The following DOCK1 variants were observed in gnomAD, a reference collection of about 807,000 sequenced individuals.
The protein encoded by DOCK1 is dedicator of cytokinesis protein 1.
Under a neutral mutation model 262.7 loss-of-function variants are expected in DOCK1, and 138 were observed. The ratio of observed to expected loss-of-function variants is 0.53; its 90% CI spans 0.46 to 0.61. The LOEUF is 0.61. Among genes scored for constraint, DOCK1 ranks in the 20% least tolerant of loss-of-function variants. DOCK1 has a pLI of 0.00. For missense variants in DOCK1, 1,908 were observed against 2,370.7 expected (o/e 0.80, Z 4.05); for synonymous variants, 866 against 867.4 (o/e 1.00, Z 0.03).
chr10:127,188,915 T>C (rs943317278), intron 27 of DOCK1, among the ~76,000 whole-genome samples: 26 of 152,206 alleles, frequency 1.7e-4, no homozygotes, highest in Admixed American at 6.5e-5. Context: ...ACACAGATAC[T>C]GGCAGAGCCA....
At chr10:127,050,695 A>G (rs925795478) in intron 21 of DOCK1, among the ~76,000 whole-genome samples, 53 of 148,212 alleles carry the variant, frequency 3.6e-4, no homozygotes, top group Non-Finnish European at 6.5e-4. Context: ...ACAGAGCAAG[A>G]CTCTGTCTGA....
At chr10:127,029,840 G>T (rs983970249) in intron 16 of DOCK1, among the ~76,000 whole-genome samples, 1 of 152,162 alleles carries the variant, frequency 6.6e-6, no homozygotes, top group African/African-American at 2.4e-5. Flanking sequence ...CTGAACCCTG[G>T]CTGTTTTCCT....
At chr10:127,407,377 G>A (rs1462045986) in intron 40 of DOCK1, among the ~76,000 whole-genome samples, 1 of 152,106 alleles carries the variant, frequency 6.6e-6, no homozygotes, top group Non-Finnish European at 1.5e-5. Context: ...GAAAGGGCAG[G>A]CAGCTCTCTG....
chr10:127,168,630 C>A (rs1263280706), intron 27 of DOCK1, among the ~76,000 whole-genome samples: 1 of 152,212 alleles, frequency 6.6e-6, no homozygotes, highest in Non-Finnish European at 1.5e-5. Flanking sequence ...AGACTTTGAT[C>A]TCTATTAAGT....
intron 1 of DOCK1, among the ~76,000 whole-genome samples, chr10:126,952,854 T>C (rs1565003034): frequency 6.6e-6 from 1 of 151,882 alleles, no homozygotes; most frequent in Non-Finnish European, 1.5e-5. Context: ...GGTAGTATTG[T>C]TGGTGATGTG....
intron 29 of DOCK1, among the ~76,000 whole-genome samples, chr10:127,330,766 T>C (rs1564997641): frequency 1.3e-5 from 2 of 152,162 alleles, no homozygotes; most frequent in Non-Finnish European, 2.9e-5. Flanking sequence ...GTGGGTTGGC[T>C]AAGTATACAT....
intron 27 of DOCK1, among the ~76,000 whole-genome samples, chr10:127,146,348 T>G (rs998508484): frequency 6.6e-6 from 1 of 152,184 alleles, no homozygotes; most frequent in South Asian, 2.1e-4. Flanking sequence ...AGCATCTAAA[T>G]AAGAGAATTA....
intron 38 of DOCK1, among the ~76,000 whole-genome samples, chr10:127,396,407 T>A (rs1167395671): frequency 6.6e-6 from 1 of 152,230 alleles, no homozygotes; most frequent in Non-Finnish European, 1.5e-5. Context: ...CCCTCCCACC[T>A]GCAACCATGC....
rs971251992 is a variant in DOCK1, at chr10:127,336,749, C to T, written c.3045-2257C>T. Among the ~76,000 whole-genome samples the T allele has an allele frequency of 5.3e-5, 8 of 152,110 alleles. No homozygotes were observed. In the South Asian group the frequency reaches 1.5e-3, roughly 28 times the overall value. ...AGAAACGGGGTTTCACTGTGTTAGC[C>T]AGGATGGTCTCAATCTCCTGACCTC... On this transcript the variant is annotated intron_variant, in intron 29 of 51. Coordinates refer to ENST00000623213, the MANE Select transcript of DOCK1 (RefSeq NM_001290223.2).
intron 40 of DOCK1, among the ~76,000 whole-genome samples, chr10:127,407,310 G>A (rs1025740197): frequency 1.1e-4 from 16 of 152,106 alleles, no homozygotes; most frequent in Admixed American, 9.2e-4. Context: ...AGCAGATTTG[G>A]AGTCTGGGGA....
intron 38 of DOCK1, among the ~76,000 whole-genome samples, chr10:127,400,718 CA>C (rs140280276): frequency 0.37 from 55,460 of 151,812 alleles, 11,000 homozygotes; most frequent in Middle Eastern, 0.5. Flanking sequence ...ATCACCTTTG[CA>C]AAAAAAATTA....
At chr10:127,297,335 G>A (rs1416284708) in intron 29 of DOCK1, among the ~76,000 whole-genome samples, 1 of 152,148 alleles carries the variant, frequency 6.6e-6, no homozygotes, top group African/African-American at 2.4e-5. Context: ...GTATCTGCAG[G>A]AATGGATTAT....
chr10:127,162,495 A>G (rs2053671651), intron 27 of DOCK1, among the ~76,000 whole-genome samples: 2 of 152,178 alleles, frequency 1.3e-5, no homozygotes, highest in African/African-American at 4.8e-5. Flanking sequence ...GCTAATTCAG[A>G]AGTTGAGTTG....
intron 1 of DOCK1, among the ~76,000 whole-genome samples, chr10:126,950,566 C>G (rs2036124122): frequency 6.6e-6 from 1 of 152,094 alleles, no homozygotes; most frequent in South Asian, 2.1e-4. Flanking sequence ...AAATCGGTTG[C>G]AGAGAGAGGG....
intron 23 of DOCK1, among the ~76,000 whole-genome samples, chr10:127,093,700 C>G (rs2047728294): frequency 6.6e-6 from 1 of 151,772 alleles, no homozygotes; most frequent in African/African-American, 2.4e-5. Context: ...ATTTAGGGCC[C>G]ACTGTAATTC....
At chr10:127,344,907 T>C (rs943206) in intron 31 of DOCK1, among the ~76,000 whole-genome samples, 87,396 of 152,078 alleles carry the variant, frequency 0.57, 25,621 homozygotes, top group Middle Eastern at 0.75. Context: ...TATAGTCACG[T>C]ACTGCATAAC....
At chr10:127,079,964 G>C (rs1301611928) in intron 23 of DOCK1, among the ~76,000 whole-genome samples, 2 of 151,962 alleles carry the variant, frequency 1.3e-5, no homozygotes, top group African/African-American at 4.8e-5. Context: ...CTTTTCCCTA[G>C]CTCATTTTTT....
intron 48 of DOCK1, among the ~76,000 whole-genome samples, chr10:127,434,386 T>G (rs2069517647): frequency 6.6e-6 from 1 of 152,278 alleles, no homozygotes; most frequent in Admixed American, 6.5e-5. Flanking sequence ...CAGGCTGGAA[T>G]GCAGTGGTGT....
chr10:127,157,686 G>T (rs1430413035), intron 27 of DOCK1, among the ~76,000 whole-genome samples: 1 of 152,204 alleles, frequency 6.6e-6, no homozygotes, highest in African/African-American at 2.4e-5. Flanking sequence ...GTTGAAAACA[G>T]TGGGTGGTCT....
Sources: allele counts gnomAD v4.1 joint callset (sites outside exome capture counted in the v4.1 genomes callset), GRCh38; gene constraint gnomAD v4.1.1; transcripts MANE v1.5; gene names NCBI Gene and HGNC (gene_info 2026-07-23, HGNC 2026-07-21).